TNR: variants seen among roughly 807,000 people sequenced by gnomAD.
TNR encodes tenascin R.
Under a neutral mutation model 150.4 loss-of-function variants are expected in TNR, and 45 were observed. That is an observed-to-expected ratio of 0.30 (90% CI 0.24 to 0.38). The LOEUF (loss-of-function observed/expected upper bound fraction) is 0.38. TNR is among the 10% of genes least tolerant of loss of function. The probability of loss-of-function intolerance (pLI) is 1.00; values close to 1 mark genes in which losing one functional copy is unlikely to be tolerated. For missense variants in TNR, 1,544 were observed against 1,759.1 expected (o/e 0.88, Z 2.19); for synonymous variants, 687 against 678.4 (o/e 1.01, Z -0.20).
intron 1 of TNR, among the ~76,000 whole-genome samples, chr1:175,552,833 A>G (rs950094105): frequency 9.2e-5 from 14 of 152,292 alleles, no homozygotes; most frequent in African/African-American, 3.1e-4. Flanking sequence ...TCGTGCCTCC[A>G]GATTTAATTC....
intron 2 of TNR, among the ~76,000 whole-genome samples, chr1:175,491,447 AT>A (rs530035922): frequency 1.0e-3 from 156 of 150,892 alleles, no homozygotes; most frequent in African/African-American, 3.6e-3. Context: ...CTTTTAGCAC[AT>A]GACCTCCTGA....
At chr1:175,374,693 A>G (rs1198897275) in intron 9 of TNR, among the ~76,000 whole-genome samples, 2 of 152,184 alleles carry the variant, frequency 1.3e-5, no homozygotes, top group Admixed American at 6.5e-5. Flanking sequence ...CAGCTTGTCA[A>G]CTGGAGATAG....
chr1:175,705,173 G>A (rs1034105955), intron 1 of TNR, among the ~76,000 whole-genome samples: 3 of 152,152 alleles, frequency 2.0e-5, no homozygotes, highest in Non-Finnish European at 4.4e-5. Context: ...CCATTCTTCA[G>A]TATTGAGGCC....
rs1651655597 is a variant in TNR, at chr1:175,362,698, T to C, written c.2819A>G (p.Glu940Gly). 6.2e-7 allele frequency: 1 copy of C among 1,613,990 alleles called. No individual in the cohort carries two copies. Among genetic ancestry groups the C allele is most frequent in the Non-Finnish European group, 8.5e-7 (1 of 1,179,998 alleles). The change falls in exon 14 of 23, where the codon GAG (glutamate) becomes GGG (glycine). Residue 940 changes from glutamate (E) to glycine (G), a missense_variant. Glu to Gly is a moderately conservative substitution (Grantham distance 98). Transcript: ENST00000367674. ...AAGAGTACAGATGCGCTCGCTTTCC[T>C]CCCTGCCCCGCACGCTGTTGAGGCT... ...EISLNSVRGR[E>G]ESERICTLVH...
At chr1:175,433,447 A>G (rs1655362187) in intron 2 of TNR, among the ~76,000 whole-genome samples, 1 of 152,184 alleles carries the variant, frequency 6.6e-6, no homozygotes, top group African/African-American at 2.4e-5. Flanking sequence ...TTCTCCATCC[A>G]ACAAACCCTT....
chr1:175,324,655 G>A, intron 21 of TNR, 136 bp from the exon 22 acceptor site: 1 of 1,048,964 alleles, frequency 9.5e-7, no homozygotes, highest in Non-Finnish European at 1.4e-6. Flanking sequence ...TTCTCAGAGT[G>A]GCTGTGCTGA....
At chr1:175,673,954 A>G (rs2101904969) in intron 1 of TNR, among the ~76,000 whole-genome samples, 1 of 152,378 alleles carries the variant, frequency 6.6e-6, no homozygotes, top group Non-Finnish European at 1.5e-5. Flanking sequence ...GAGGTGCTGG[A>G]GGCACTGATG....
At position 175,742,362 on chromosome 1, in the gene TNR, T is replaced by C. The variant is rs188250066; in HGVS notation, c.-165+864A>G. Among the ~76,000 whole-genome samples the C allele has an allele frequency of 1.1e-4, 16 of 152,274 alleles. No homozygotes were observed. In the East Asian group the frequency reaches 3.1e-3, roughly 29 times the overall value. ...CACCCTAGACATATAGAGACAAACC[T>C]TTATTCTTAGTTGTTTTTCACTGCC... On this transcript the variant is annotated intron_variant, in intron 1 of 22. Coordinates refer to ENST00000367674, the MANE Select transcript of TNR (RefSeq NM_003285.3).
intron 1 of TNR, among the ~76,000 whole-genome samples, chr1:175,616,238 C>T (rs967456399): frequency 6.6e-6 from 1 of 152,200 alleles, no homozygotes; most frequent in Non-Finnish European, 1.5e-5. Flanking sequence ...GCCCTTCACC[C>T]TGCTCATGGC....
chr1:175,524,090 C>T (rs562463211), intron 2 of TNR, among the ~76,000 whole-genome samples: 2 of 152,236 alleles, frequency 1.3e-5, no homozygotes, highest in East Asian at 3.9e-4. Context: ...CAAGACAGGG[C>T]TAATAATGAT....
At chr1:175,394,934 T>C (rs1266106726) in intron 5 of TNR, among the ~76,000 whole-genome samples, 1 of 152,134 alleles carries the variant, frequency 6.6e-6, no homozygotes, top group Non-Finnish European at 1.5e-5. Flanking sequence ...GCTTGGGAGT[T>C]AGGCCAGGCA....
intron 1 of TNR, among the ~76,000 whole-genome samples, chr1:175,593,258 A>G (rs1265768020): frequency 6.6e-6 from 1 of 152,184 alleles, no homozygotes; most frequent in Non-Finnish European, 1.5e-5. Context: ...GCACTGATAG[A>G]GGCCACGAAA....
intron 1 of TNR, among the ~76,000 whole-genome samples, chr1:175,665,088 C>T (rs186932165): frequency 9.2e-5 from 14 of 152,314 alleles, no homozygotes; most frequent in Admixed American, 8.5e-4. Flanking sequence ...TTGGTCTCAA[C>T]GTTAGCCAGT....
chr1:175,741,192 C>A (rs1465604463), intron 1 of TNR, among the ~76,000 whole-genome samples: 1 of 152,232 alleles, frequency 6.6e-6, no homozygotes, highest in Non-Finnish European at 1.5e-5. Flanking sequence ...TGCACATGAG[C>A]ATTACTGCAT....
intron 2 of TNR, among the ~76,000 whole-genome samples, chr1:175,418,861 C>T (rs859473): frequency 0.39 from 59,970 of 151,998 alleles, 12,649 homozygotes; most frequent in African/African-American, 0.53. Context: ...TCAGAGATCC[C>T]TGACTGGCAT....
At chr1:175,538,841 T>C (rs577244577) in intron 1 of TNR, 1 of 152,240 alleles carries the variant, frequency 6.6e-6, no homozygotes, top group Non-Finnish European at 1.5e-5. Context: ...ATGTCCCAGA[T>C]GTTGGGATTA....
chr1:175,403,686 G>T, intron 3 of TNR, 70 bp from the exon 4 acceptor site: 1 of 1,295,314 alleles, frequency 7.7e-7, no homozygotes, highest in Non-Finnish European at 1.1e-6. Flanking sequence ...GGGAAGGATG[G>T]GCAAAGGCCT....
intron 1 of TNR, among the ~76,000 whole-genome samples, chr1:175,575,459 T>C (rs1184269987): frequency 6.6e-6 from 1 of 152,172 alleles, no homozygotes; most frequent in Non-Finnish European, 1.5e-5. Context: ...TGGGTACTCA[T>C]CTCTACCCTC....
At chr1:175,684,097 T>C (rs1487420411) in intron 1 of TNR, among the ~76,000 whole-genome samples, 2 of 152,198 alleles carry the variant, frequency 1.3e-5, no homozygotes, top group Non-Finnish European at 2.9e-5. Flanking sequence ...GTGGAACCTC[T>C]GTGCTGGGTG....
Sources: gnomAD v4.1 joint callset for allele counts (sites outside exome capture counted in the v4.1 genomes callset) on GRCh38, gnomAD v4.1.1 for gene constraint, MANE v1.5 for transcripts, NCBI Gene and HGNC (gene_info 2026-07-23, HGNC 2026-07-21) for gene names.